PHLDB1: variants seen among roughly 807,000 people sequenced by gnomAD.
PHLDB1 encodes the protein pleckstrin homology-like domain family B member 1.
PHLDB1 carries 65 observed loss-of-function variants against 139.3 expected under a neutral mutation model. The ratio of observed to expected loss-of-function variants is 0.47; its 90% confidence interval spans 0.38 to 0.57. PHLDB1 has a LOEUF of 0.57. Among genes scored for constraint, PHLDB1 ranks in the 20% least tolerant of loss-of-function variants. The pLI is 0.00. For missense variants in PHLDB1, 1,624 were observed against 1,839.7 expected, an observed-to-expected ratio of 0.88 and a Z score of 2.14; for synonymous variants, 679 against 734.5, an observed-to-expected ratio of 0.92 and a Z score of 1.22.
In PHLDB1 at chr11:118,645,714, C is replaced by T. The variant is rs782320308; in HGVS notation, c.3417-21C>T. On this transcript the variant is annotated intron_variant, in intron 16 of 22. Transcript: ENST00000600882. This position sits in a 1 kb window ranked among gnomAD's most constrained non-coding sequence, Gnocchi z 5.1. ...CCGCCTCAGCTCCTTGATGCACTTCCTCTTCCCCTTCTCTCCCCAGCGCGA... is the reference window on the plus strand; with the variant it reads ...CCGCCTCAGCTCCTTGATGCACTTCTTCTTCCCCTTCTCTCCCCAGCGCGA... 3 of 1,611,922 alleles carry T rather than the reference C, an allele frequency of 1.9e-6. No homozygotes were observed. The Admixed American group carries it at 5.0e-5, about 27-fold the overall frequency.
At position 118,627,814 on chromosome 11, in the gene PHLDB1, C is replaced by G; in HGVS notation, c.991C>G (p.Leu331Val). The G allele has an allele frequency of 6.2e-7, 1 of 1,604,966 alleles. No homozygotes were observed. The change falls in exon 6 of 23, where the codon CTG (leucine) becomes GTG (valine). Residue 331 changes from leucine (L) to valine (V), a missense_variant. Physicochemically the swap from Leu to Val is conservative, Grantham distance 32. Transcript: ENST00000600882. ...TCCCAGCCCTGGCCTCCGGGGTCTG[C>G]TGACAGACAGCCCTGCAGCTACTGT... ...RPPSPGLRGL[L>V]TDSPAATVLA...
At chr11:118,618,994 A>G (rs1299081938) in intron 4 of PHLDB1, among the ~76,000 whole-genome samples, 1 of 152,128 alleles carries the variant, frequency 6.6e-6, no homozygotes, top group East Asian at 1.9e-4. Context: ...TGAGGGAGCC[A>G]GGAAGGTCCT....
chr11:118,624,784 A>G, intron 4 of PHLDB1, 150 bp from the exon 5 acceptor site: 1 of 679,184 alleles, frequency 1.5e-6, no homozygotes, highest in Non-Finnish European at 2.5e-6. Context: ...TAATTTTTGT[A>G]TTTTTAGTAG....
At chr11:118,643,013 A>G (rs1400332782) in intron 13 of PHLDB1, among the ~76,000 whole-genome samples, 1 of 152,254 alleles carries the variant, frequency 6.6e-6, no homozygotes, top group African/African-American at 2.4e-5. Context: ...GACCAGCTGC[A>G]GTGCCTAAGA....
At chr11:118,648,121 G>A (rs781866990) in intron 18 of PHLDB1, 45 bp downstream of exon 18, 4 of 1,587,698 alleles carry the variant, frequency 2.5e-6, no homozygotes, top group Non-Finnish European at 3.4e-6. Flanking sequence ...TGACGGTGAG[G>A]GCTGTAGAGA....
In PHLDB1 at chr11:118,650,137, A is replaced by T; in HGVS notation, c.3715A>T (p.Ile1239Phe). The change falls in exon 19 of 23, where the codon ATT becomes TTT. Residue 1239 changes from isoleucine (I) to phenylalanine (F), a missense_variant. Physicochemically the swap from Ile to Phe is conservative, Grantham distance 21 (BLOSUM62 0). Transcript: ENST00000600882. The surrounding 1 kb of genome is among the most constrained non-coding windows in gnomAD (Gnocchi z 4.7). ...RKEDFDLKTHIESSGHGVDTC... is the reference protein window; with the variant it reads ...RKEDFDLKTHFESSGHGVDTC... The stretch of plus-strand genomic sequence containing the variant: ...GGAGGACTTTGACCTGAAGACACAT[A>T]TTGAGTCATCGGGCCATGGTGTTGA... 1.2e-6 allele frequency: 2 copies of T among 1,614,106 alleles called. No individual in the cohort carries two copies. The highest frequency in any genetic ancestry group is 1.7e-6 in the Non-Finnish European group (2 of 1,179,986).
chr11:118,629,065 C>T (rs1555107448), intron 6 of PHLDB1, among the ~76,000 whole-genome samples: 1 of 152,262 alleles, frequency 6.6e-6, no homozygotes, highest in African/African-American at 2.4e-5. Flanking sequence ...CAAGGTCACA[C>T]AGCAAGTTCT....
chr11:118,628,149 G>C lies in PHLDB1; in HGVS notation c.1326G>C (p.Glu442Asp). 5 of 1,614,082 alleles carry C rather than the reference G, an allele frequency of 3.1e-6. No homozygotes were observed. The highest frequency in any genetic ancestry group is 3.4e-6 in the Non-Finnish European group (4 of 1,180,006). Residue 442 changes from glutamate (E) to aspartate (D), a missense_variant, in exon 6 of 23, where the codon GAG becomes GAC. Glu to Asp is a conservative substitution (Grantham distance 45, BLOSUM62 2). Coordinates refer to ENST00000600882, the MANE Select transcript of PHLDB1 (RefSeq NM_001144758.3). ...CCACCCGTACCCTGCAGCCTCCTGA[G>C]AGTCCCCGCCTGGGCCGGCGGGGCC... ...GLATRTLQPP[E>D]SPRLGRRGLD...
chr11:118,614,694 C>T lies in PHLDB1; in HGVS notation c.184+12C>T. The T allele has an allele frequency of 6.2e-7, 1 of 1,612,948 alleles. No homozygotes were observed. Among genetic ancestry groups the T allele is most frequent in the Non-Finnish European group, 8.5e-7 (1 of 1,179,362 alleles). ...GCCGCTGGAGGAAGGTAAGTGTGAA[C>T]AGGGCATCTCACTCACCACCCCTCT... On this transcript the variant is annotated intron_variant, in intron 3 of 22. Coordinates refer to ENST00000600882, the MANE Select transcript of PHLDB1 (RefSeq NM_001144758.3).
At chr11:118,653,224 A>G (rs1175486601) in intron 20 of PHLDB1, 1 of 152,326 alleles carries the variant, frequency 6.6e-6, no homozygotes, top group African/African-American at 2.4e-5. Context: ...GTCCTTTACC[A>G]AGGAGGAAAT....
chr11:118,614,324 G>T (rs1196273276), intron 2 of PHLDB1, among the ~76,000 whole-genome samples: 2 of 143,968 alleles, frequency 1.4e-5, no homozygotes, highest in Non-Finnish European at 3.0e-5. Context: ...TAGACAAAAG[G>T]CACAGTTAAG....
At chr11:118,644,458 T>A (rs757836274) in intron 15 of PHLDB1, 1 of 485,428 alleles carries the variant, frequency 2.1e-6, no homozygotes, top group African/African-American at 2.0e-5. Flanking sequence ...GACATTGCCC[T>A]CTCTGGAGGG....
chr11:118,636,199 T>C (rs782200329), intron 10 of PHLDB1, among the ~76,000 whole-genome samples: 2 of 151,720 alleles, frequency 1.3e-5, no homozygotes, highest in African/African-American at 2.4e-5. Flanking sequence ...GAGGGAGGGA[T>C]TGGAGAGGAT....
At position 118,632,264 on chromosome 11, in the gene PHLDB1, T is replaced by G. The variant is rs781966963; in HGVS notation, c.2347T>G (p.Leu783Val). The change falls in exon 9 of 23, where the codon TTG (leucine) becomes GTG (valine). Residue 783 changes from leucine (L) to valine (V), a missense_variant. Coordinates refer to ENST00000600882, the MANE Select transcript of PHLDB1 (RefSeq NM_001144758.3). The surrounding 1 kb of genome is among the most constrained non-coding windows in gnomAD (Gnocchi z 5.9). ...TCAGCTGCAGGAGAAGCTGGTGGCC[T>G]TGGAGACAGGCATCCAGAAGGAGAG... Reference protein sequence around the residue: ...VDQLQEKLVALETGIQKERDK... With the variant: ...VDQLQEKLVAVETGIQKERDK... 1.9e-6 allele frequency: 3 copies of G among 1,613,430 alleles called. No homozygotes were observed. Among genetic ancestry groups the G allele is most frequent in the South Asian group, 1.1e-5 (1 of 91,040 alleles).
At chr11:118,648,594 A>G (rs1190413353) in intron 18 of PHLDB1, among the ~76,000 whole-genome samples, 1 of 152,044 alleles carries the variant, frequency 6.6e-6, no homozygotes, top group East Asian at 1.9e-4. Context: ...TCCAGTCCCC[A>G]CCATCAGTGG....
chr11:118,657,053 G>A lies in PHLDB1; in HGVS notation c.*230G>A. On this transcript the variant is annotated 3_prime_UTR_variant, in exon 23 of 23. Transcript: ENST00000600882. ...GGGCTGAGGAGCTGTCACAGAGAGG[G>A]CCTCAGCTCTGACCTGACACCTGCT... 2.3e-6 allele frequency: 1 copy of A among 444,430 alleles called. No homozygotes were observed. The highest frequency in any genetic ancestry group is 3.4e-5 in the East Asian group (1 of 29,730). The allele number at this position is 444,430 out of a possible 1,614,324, so 27.5% of individuals were successfully genotyped here. A position where few individuals can be genotyped will look rare whatever the true frequency, so the allele number is the denominator to read the frequency against.
At chr11:118,615,974 T>C in intron 3 of PHLDB1, 67 bp from the exon 4 acceptor site, 1 of 1,350,000 alleles carries the variant, frequency 7.4e-7, no homozygotes, top group Non-Finnish European at 1.0e-6. Flanking sequence ...ACTGTGGCCC[T>C]CCTTGCCCTG....
intron 18 of PHLDB1, 56 bp downstream of exon 18, chr11:118,648,132 AGTGGGG>A (rs1555131762): frequency 6.5e-7 from 1 of 1,537,390 alleles, no homozygotes; most frequent in Non-Finnish European, 8.9e-7. Flanking sequence ...GCTGTAGAGA[AGTGGGG>A]AGATCCCAGG....
At chr11:118,655,760 C>T in intron 21 of PHLDB1, 70 bp downstream of exon 21, 1 of 1,500,424 alleles carries the variant, frequency 6.7e-7, no homozygotes. Flanking sequence ...TGGTGGGGCT[C>T]TGGGAGCAAA....
Sources: allele counts gnomAD v4.1 joint callset (sites outside exome capture counted in the v4.1 genomes callset), GRCh38; gene constraint gnomAD v4.1.1; non-coding constraint Gnocchi (gnomAD v3.1); transcripts MANE v1.5; gene names NCBI Gene and HGNC (gene_info 2026-07-23, HGNC 2026-07-21).